The following ULK4 variants were observed in gnomAD, a reference collection of about 807,000 sequenced individuals.
The protein encoded by ULK4 is inactive serine/threonine-protein kinase ULK4.
In ULK4, 133 loss-of-function variants were observed where a neutral mutation model predicts 160.6. The ratio of observed to expected loss-of-function variants is 0.83; its 90% confidence interval spans 0.72 to 0.96. The LOEUF (loss-of-function observed/expected upper bound fraction) is 0.96, where lower values mean the gene tolerates loss of function less well. Among genes scored for constraint, ULK4 ranks in the 40% least tolerant of loss-of-function variants. ULK4 has a pLI of 0.00. For missense variants in ULK4, 1,580 were observed against 1,499.5 expected, an observed-to-expected ratio of 1.05 and a Z score of -0.89; for synonymous variants, 534 against 539.8, an observed-to-expected ratio of 0.99 and a Z score of 0.15.
In ULK4 at chr3:41,900,763, A is replaced by G. The variant is rs75907560; in HGVS notation, c.1249T>C (p.Ser417Pro). ...SQMRELIYTD[S>P]DLVVTPIIDN... ...ATAATGGGGGTGACAACAAGATCTG[A>G]GTCCGTGTAGATAAGCTCTCTCATC... is the stretch of plus-strand genomic sequence containing the variant. Residue 417 changes from serine to proline, a missense_variant, in exon 13 of 37, where the codon TCA (serine) becomes CCA (proline). By Grantham distance (74) the Ser-to-Pro change is moderately conservative. Transcript: ENST00000301831. 5.6e-3 allele frequency: 9,109 copies of G among 1,613,722 alleles called. 374 individuals carry two copies. The East Asian group carries it at 0.12, about 21-fold the overall frequency.
rs182853394 is a variant in ULK4, at chr3:41,339,846, A to G, written c.3678+58233T>C. On this transcript the variant is annotated intron_variant, in intron 35 of 36. Coordinates refer to ENST00000301831, the MANE Select transcript of ULK4 (RefSeq NM_017886.4). ...CAAGACCCATCTATTACTGTTGCCC[A>G]ACACTGTGGGCAGTAGGGATGGTAA... Among the ~76,000 whole-genome samples the G allele has an allele frequency of 2.0e-5, 3 of 152,304 alleles. No homozygotes were observed. The East Asian group carries it at 5.8e-4, about 29-fold the overall frequency.
intron 17 of ULK4, among the ~76,000 whole-genome samples, chr3:41,869,514 G>A (rs60825778): frequency 0.06 from 9,193 of 152,206 alleles, 881 homozygotes; most frequent in African/African-American, 0.21. Context: ...CCAGGAGGTA[G>A]AGGTGCAATG....
chr3:41,422,934 T>A (rs1029932312), intron 34 of ULK4, among the ~76,000 whole-genome samples: 1 of 152,146 alleles, frequency 6.6e-6, no homozygotes, highest in Non-Finnish European at 1.5e-5. Context: ...TGGCCATCCA[T>A]CAGAAGATGT....
intron 29 of ULK4, among the ~76,000 whole-genome samples, chr3:41,675,072 T>C (rs540510180): frequency 6.6e-6 from 1 of 151,948 alleles, no homozygotes; most frequent in South Asian, 2.1e-4. Context: ...AAACCCCGTA[T>C]CTACTAAAAA....
chr3:41,927,302 G>T (rs967101657), intron 5 of ULK4, among the ~76,000 whole-genome samples: 1 of 152,170 alleles, frequency 6.6e-6, no homozygotes, highest in Non-Finnish European at 1.5e-5. Context: ...AATGCTGAGA[G>T]ATCTTCTCAC....
chr3:41,688,003 C>G (rs980486323), intron 27 of ULK4: 1 of 152,244 alleles, frequency 6.6e-6, no homozygotes, highest in African/African-American at 2.4e-5. Context: ...TTTCTGCCTA[C>G]AACACCCACT....
intron 17 of ULK4, among the ~76,000 whole-genome samples, chr3:41,877,298 T>TAA (rs139465676): frequency 2.7e-5 from 4 of 149,340 alleles, no homozygotes; most frequent in African/African-American, 4.9e-5. Flanking sequence ...AACTCTAAGC[T>TAA]AAAAAAAAAG....
chr3:41,931,348 G>T (rs1459438208), intron 5 of ULK4, among the ~76,000 whole-genome samples: 1 of 151,752 alleles, frequency 6.6e-6, no homozygotes, highest in Non-Finnish European at 1.5e-5. Context: ...GGGGTCTAAA[G>T]GAGGGATAGC....
intron 32 of ULK4, among the ~76,000 whole-genome samples, chr3:41,547,288 A>G (rs2086896134): frequency 6.6e-6 from 1 of 152,214 alleles, no homozygotes; most frequent in African/African-American, 2.4e-5. Context: ...GTCGTCCAAA[A>G]GGAAGGACCA....
intron 34 of ULK4, among the ~76,000 whole-genome samples, chr3:41,437,981 A>T (rs543262245): frequency 6.6e-6 from 1 of 152,190 alleles, no homozygotes. Flanking sequence ...GGGATGGGGA[A>T]CTGGTGGGAA....
chr3:41,882,130 A>C (rs1279101671), intron 17 of ULK4: 1 of 694,176 alleles, frequency 1.4e-6, no homozygotes, highest in Non-Finnish European at 2.6e-6. Flanking sequence ...TCTTCCAGGC[A>C]CTGCCACACG....
chr3:41,314,014 A>C (rs1015704669), intron 35 of ULK4, among the ~76,000 whole-genome samples: 3 of 152,148 alleles, frequency 2.0e-5, no homozygotes, highest in African/African-American at 7.2e-5. Flanking sequence ...CAGCTTGGGC[A>C]AGCAAGCGTC....
At chr3:41,618,943 A>G (rs2033112301) in intron 30 of ULK4, among the ~76,000 whole-genome samples, 1 of 152,036 alleles carries the variant, frequency 6.6e-6, no homozygotes, top group South Asian at 2.1e-4. Flanking sequence ...TACCAAGCAA[A>G]TGAAAAGAAA....
intron 35 of ULK4, among the ~76,000 whole-genome samples, chr3:41,372,860 G>A (rs2081398320): frequency 6.6e-6 from 1 of 152,154 alleles, no homozygotes; most frequent in Admixed American, 6.5e-5. Context: ...TGGATAAAGA[G>A]TCAAGATCCA....
chr3:41,915,910 T>C, intron 8 of ULK4, 67 bp downstream of exon 8: 2 of 1,074,466 alleles, frequency 1.9e-6, no homozygotes, highest in Non-Finnish European at 2.8e-6. Context: ...CCCATTAAAA[T>C]ACTGCCCCTT....
At chr3:41,561,663 T>C (rs898599063) in intron 32 of ULK4, among the ~76,000 whole-genome samples, 2 of 152,346 alleles carry the variant, frequency 1.3e-5, no homozygotes, top group South Asian at 2.1e-4. Context: ...GTGTTTATAG[T>C]ATTCTCTGAT....
chr3:41,717,721 A>C lies in ULK4; in HGVS notation c.2455+7T>G. On this transcript the variant is annotated splice_region_variant and intron_variant, in intron 23 of 36. Transcript: ENST00000301831. The stretch of plus-strand genomic sequence containing the variant: ...AAATGGGGCCTGAGGATGAGACTCC[A>C]ATTTACCCAGGATTCGTGGCAGCTC... The C allele has an allele frequency of 6.2e-7, 1 of 1,609,024 alleles. No homozygotes were observed. The highest frequency in any genetic ancestry group is 8.5e-7 in the Non-Finnish European group (1 of 1,176,066).
intron 32 of ULK4, among the ~76,000 whole-genome samples, chr3:41,553,141 A>G (rs1295927245): frequency 6.6e-6 from 1 of 152,124 alleles, no homozygotes; most frequent in South Asian, 2.1e-4. Context: ...ACCAGAAACC[A>G]TAATATTACT....
chr3:41,510,067 TCTG>T (rs1426139249), intron 32 of ULK4, among the ~76,000 whole-genome samples: 1 of 152,172 alleles, frequency 6.6e-6, no homozygotes, highest in African/African-American at 2.4e-5. Context: ...CAAACAAATT[TCTG>T]CTGTCTTCAG....
Sources: allele counts gnomAD v4.1 joint callset (sites outside exome capture counted in the v4.1 genomes callset), GRCh38; gene constraint gnomAD v4.1.1; transcripts MANE v1.5; gene names NCBI Gene and HGNC (gene_info 2026-07-23, HGNC 2026-07-21).